ATG4C: variants seen among roughly 807,000 people sequenced by gnomAD.
ATG4C encodes autophagy related 4C cysteine peptidase, also known as cysteine protease ATG4C.
ATG4C carries 56 observed loss-of-function variants against 57.6 expected under a neutral mutation model. The observed-to-expected ratio is 0.97, with a 90% CI of 0.78 to 1.21. The LOEUF is 1.21. ATG4C is among the 50% of genes most tolerant of loss of function. The pLI is 0.00. For missense variants in ATG4C, 595 were observed against 529.8 expected, an observed-to-expected ratio of 1.12 and a Z score of -1.21; for synonymous variants, 157 against 174.1, an observed-to-expected ratio of 0.90 and a Z score of 0.78.
intron 1 of ATG4C, among the ~76,000 whole-genome samples, chr1:62,790,235 ATCATGAGTTCATAGGATACCT>A (rs1399983517): frequency 1.3e-5 from 2 of 152,176 alleles, no homozygotes; most frequent in African/African-American, 4.8e-5. Context: ...TTTTTAAGAA[ATCATGAGTTCATAGGATACCT>A]TCAATTCAAA....
intron 1 of ATG4C, among the ~76,000 whole-genome samples, chr1:62,793,319 A>G (rs1664347428): frequency 6.6e-6 from 1 of 152,010 alleles, no homozygotes; most frequent in African/African-American, 2.4e-5. Flanking sequence ...GTTAATATTA[A>G]TACTTACTAG....
rs1003172780 is a variant in ATG4C at position 62,805,056 on chromosome 1, C to T, written c.77-116C>T. On this transcript the variant is annotated intron_variant, in intron 2 of 10. Coordinates refer to ENST00000317868, the MANE Select transcript of ATG4C (RefSeq NM_032852.4). ...TTTTGCAACTGTTGCCAAAAATGCACATCCATAAATAATAATTGATGGTTT... is the reference window on the plus strand; with the variant it reads ...TTTTGCAACTGTTGCCAAAAATGCATATCCATAAATAATAATTGATGGTTT... 6.1e-5 allele frequency: 83 copies of T among 1,358,512 alleles called. 1 individual carries two copies. The highest frequency in any genetic ancestry group is 7.3e-5 in the Non-Finnish European group (77 of 1,055,234). 84.2% of individuals were successfully genotyped at this position (1,358,512 alleles called of 1,614,324 possible). A position where few individuals can be genotyped will look rare whatever the true frequency, so the allele number is the denominator to read the frequency against.
intron 10 of ATG4C, among the ~76,000 whole-genome samples, chr1:62,844,398 A>G (rs570085518): frequency 6.6e-6 from 1 of 152,312 alleles, no homozygotes; most frequent in African/African-American, 2.4e-5. Context: ...AAAATGATGA[A>G]AAGAAAAATA....
chr1:62,842,532 C>G (rs913996179), intron 10 of ATG4C, among the ~76,000 whole-genome samples: 2 of 151,956 alleles, frequency 1.3e-5, no homozygotes, highest in African/African-American at 4.8e-5. Flanking sequence ...AACTCCTGAC[C>G]TCAGAATTCT....
chr1:62,800,527 G>A (rs1304225540), intron 1 of ATG4C, among the ~76,000 whole-genome samples: 3 of 152,088 alleles, frequency 2.0e-5, no homozygotes, highest in Non-Finnish European at 4.4e-5. Flanking sequence ...TTTAATGGAT[G>A]CATAATCCAT....
At chr1:62,808,934 A>AT (rs147655722) in intron 3 of ATG4C, among the ~76,000 whole-genome samples, 3,085 of 152,042 alleles carry the variant, frequency 0.02, 35 homozygotes, top group Non-Finnish European at 0.031. Flanking sequence ...AGAAAAACTT[A>AT]TTTTTTAGAT....
In ATG4C at chr1:62,816,739, T is replaced by C. The variant is rs745844831; in HGVS notation, c.325T>C (p.Trp109Arg). ...CTCAGCTTTGACAACAGACTGTGGGTGGGGCTGCACATTGAGAACTGGCCA... is the reference window on the plus strand; with the variant it reads ...CTCAGCTTTGACAACAGACTGTGGGCGGGGCTGCACATTGAGAACTGGCCA... ...EGSALTTDCG[W>R]GCTLRTGQML... is the part of the protein sequence containing the mutation. The change falls in exon 4 of 11, where the codon TGG (tryptophan) becomes CGG (arginine). Residue 109 changes from tryptophan (W) to arginine (R), a missense_variant. Transcript: ENST00000317868. The C allele has an allele frequency of 1.1e-5, 18 of 1,613,764 alleles. No homozygotes were observed. Among genetic ancestry groups the C allele is most frequent in the Non-Finnish European group, 1.5e-5 (18 of 1,179,844 alleles).
intron 3 of ATG4C, among the ~76,000 whole-genome samples, chr1:62,815,024 C>T (rs1665220510): frequency 6.6e-6 from 1 of 152,074 alleles, no homozygotes; most frequent in African/African-American, 2.4e-5. Context: ...AAGATTGCAC[C>T]ACTGCACTCC....
At chr1:62,794,980 T>A (rs1411469314) in intron 1 of ATG4C, among the ~76,000 whole-genome samples, 2 of 152,180 alleles carry the variant, frequency 1.3e-5, no homozygotes, top group African/African-American at 4.8e-5. Context: ...TAGAGTAGAC[T>A]TCACAGTTCA....
chr1:62,820,926 T>C (rs1348765454), intron 5 of ATG4C, among the ~76,000 whole-genome samples: 1 of 152,082 alleles, frequency 6.6e-6, no homozygotes, highest in Admixed American at 6.6e-5. Flanking sequence ...AATTTGTGTT[T>C]TAATGTTCTT....
rs1359412812 is a variant in ATG4C at position 62,834,124 on chromosome 1, A to G, written c.1012+8A>G. On this transcript the variant is annotated splice_region_variant and intron_variant, in intron 8 of 10. Coordinates refer to ENST00000317868, the MANE Select transcript of ATG4C (RefSeq NM_032852.4). Reference sequence around the variant, plus strand: ...ACTTTGCTGGATTTCAAGGTTAGTGATTTAGTAAAATATATTTCTTCATTG... The same window carrying G: ...ACTTTGCTGGATTTCAAGGTTAGTGGTTTAGTAAAATATATTTCTTCATTG... 5.0e-6 allele frequency: 8 copies of G among 1,607,096 alleles called. No individual in the cohort carries two copies. The East Asian group carries it at 1.8e-4, about 36-fold the overall frequency.
chr1:62,798,824 T>C (rs113355793), intron 1 of ATG4C, among the ~76,000 whole-genome samples: 33 of 152,242 alleles, frequency 2.2e-4, no homozygotes, highest in African/African-American at 7.9e-4. Flanking sequence ...TTTATATTTT[T>C]AGTAGAGATG....
intron 1 of ATG4C, among the ~76,000 whole-genome samples, chr1:62,792,132 G>A (rs1664296390): frequency 6.6e-6 from 1 of 152,110 alleles, no homozygotes; most frequent in Non-Finnish European, 1.5e-5. Context: ...GAGTAGCTGG[G>A]ATTACAGGCA....
intron 6 of ATG4C, among the ~76,000 whole-genome samples, chr1:62,826,597 T>C (rs1295083146): frequency 7.1e-6 from 1 of 139,864 alleles, no homozygotes; most frequent in Admixed American, 7.0e-5. Flanking sequence ...CTTTTTTTCT[T>C]TCTTTTTTTT....
intron 10 of ATG4C, among the ~76,000 whole-genome samples, chr1:62,848,409 G>A (rs1319535592): frequency 1.3e-5 from 2 of 151,796 alleles, no homozygotes; most frequent in Non-Finnish European, 2.9e-5. Context: ...GTTTTACTCT[G>A]CTTCCTTTTG....
intron 1 of ATG4C, among the ~76,000 whole-genome samples, chr1:62,794,677 T>G (rs1664400801): frequency 6.6e-6 from 1 of 152,140 alleles, no homozygotes; most frequent in Non-Finnish European, 1.5e-5. Flanking sequence ...TTACTATTGC[T>G]CTCCCCTTCA....
At chr1:62,863,961 A>T (rs199733968) in intron 10 of ATG4C, 31 bp from the exon 11 acceptor site, 1 of 1,482,436 alleles carries the variant, frequency 6.7e-7, no homozygotes, top group East Asian at 2.3e-5. Context: ...ATTGCATCCA[A>T]TAAGGAATTC....
intron 10 of ATG4C, among the ~76,000 whole-genome samples, chr1:62,850,891 TATATATATATAC>T (rs1404105701): frequency 8.1e-5 from 6 of 74,002 alleles, no homozygotes; most frequent in African/African-American, 1.4e-4. Flanking sequence ...TATATATATA[TATATATATATAC>T]ATACACATAC....
In ATG4C at chr1:62,834,051, T is replaced by TA. The variant is rs1251425470; in HGVS notation, c.947_948insA (p.Glu317GlyfsTer12). On this transcript the variant is annotated frameshift_variant, in exon 8 of 11. Coordinates refer to ENST00000317868, the MANE Select transcript of ATG4C (RefSeq NM_032852.4). LOFTEE classifies it high-confidence loss of function. ...TTTTTTTGGCAGGGTATTTTAAGCC[T>TA]GGAATATTGTGTGGGTATTATTGGT... The TA allele has an allele frequency of 6.2e-7, 1 of 1,612,008 alleles. No individual in the cohort carries two copies. The highest frequency in any genetic ancestry group is 1.3e-5 in the African/African-American group (1 of 74,848).
Sources: allele counts gnomAD v4.1 joint callset (sites outside exome capture counted in the v4.1 genomes callset), GRCh38; gene constraint gnomAD v4.1.1; transcripts MANE v1.5; gene names NCBI Gene and HGNC (gene_info 2026-07-23, HGNC 2026-07-21).